FCHO1: variants seen among roughly 807,000 people sequenced by gnomAD.
FCHO1 encodes FCH and mu domain containing endocytic adaptor 1.
FCHO1 carries 45 observed loss-of-function variants against 114.4 expected under a neutral mutation model. The observed-to-expected ratio is 0.39, with a 90% CI of 0.31 to 0.50. The LOEUF is 0.50. Ranked by LOEUF, FCHO1 falls within the 20% of genes least tolerant of loss-of-function variation. The pLI, the probability that FCHO1 is intolerant of heterozygous loss-of-function variation, is 0.77. For missense variants in FCHO1, 1,042 were observed against 1,209.6 expected (o/e 0.86, Z 2.06); for synonymous variants, 480 against 488.9 (o/e 0.98, Z 0.24).
In FCHO1 at chr19:17,776,087, G is replaced by C; in HGVS notation, c.1108G>C (p.Ala370Pro). ...HIKPAPARAPACSPEAAAAQL... is the reference protein window; with the variant it reads ...HIKPAPARAPPCSPEAAAAQL... ...CAAGCCTGCCCCGGCCCGGGCTCCA[G>C]CCTGCAGCCCCGAGGCAGCAGCGGC... Residue 370 changes from alanine to proline, a missense_variant, in exon 16 of 29, where the codon GCC becomes CCC. This residue lies in a region of FCHO1 where 450 missense variants were observed against 564.1 expected (regional missense o/e 0.80). Coordinates refer to ENST00000596536, the MANE Select transcript of FCHO1 (RefSeq NM_015122.3). This position sits in a 1 kb window ranked among gnomAD's most constrained non-coding sequence, Gnocchi z 4.4. The C allele has an allele frequency of 6.2e-7, 1 of 1,612,238 alleles. No homozygotes were observed. Among genetic ancestry groups the C allele is most frequent in the Non-Finnish European group, 8.5e-7 (1 of 1,179,936 alleles).
In FCHO1 at chr19:17,787,808, G is replaced by A. The variant is rs1349873112; in HGVS notation, c.2609G>A (p.Gly870Asp). The change falls in exon 28 of 29, where the codon GGT (glycine) becomes GAT (aspartate). Residue 870 changes from glycine (G) to aspartate (D), a missense_variant. Gly to Asp is a moderately conservative substitution (Grantham distance 94). Around this residue, in one of 3 missense-constraint regions of FCHO1, gnomAD observed 137 missense variants for 190.0 expected, o/e 0.72. Transcript: ENST00000596536. ...SGVDLELVGS[G>D]YRMSLVKRRF... is the part of the protein sequence containing the mutation. ...GTGGACTTGGAACTGGTGGGCAGCG[G>A]TTACCGCATGTCGCTGGTGAAGAGG... The A allele has an allele frequency of 6.2e-7, 1 of 1,613,396 alleles. No homozygotes were observed. Among genetic ancestry groups the A allele is most frequent in the African/African-American group, 1.3e-5 (1 of 74,924 alleles).
At chr19:17,756,963 C>T (rs1365693463) in intron 4 of FCHO1, among the ~76,000 whole-genome samples, 5 of 151,982 alleles carry the variant, frequency 3.3e-5, no homozygotes, top group Non-Finnish European at 4.4e-5. Context: ...CCGAGGGAGG[C>T]GGATCACCTG....
In FCHO1 at chr19:17,783,007, T is replaced by A. The variant is rs1737984278; in HGVS notation, c.1938-10T>A. On this transcript the variant is annotated splice_polypyrimidine_tract_variant and intron_variant, in intron 23 of 28. Coordinates refer to ENST00000596536, the MANE Select transcript of FCHO1 (RefSeq NM_015122.3). Reference sequence around the variant, plus strand: ...CCTAAGCCAACACCCAGTCCCCTCATCCTCCCTAGCTGCCTGGCTCGAGTA... The same window carrying A: ...CCTAAGCCAACACCCAGTCCCCTCAACCTCCCTAGCTGCCTGGCTCGAGTA... 6 of 1,613,606 alleles carry A rather than the reference T, an allele frequency of 3.7e-6. No individual in the cohort carries two copies. Among genetic ancestry groups the A allele is most frequent in the Non-Finnish European group, 5.1e-6 (6 of 1,179,678 alleles).
Position 17,784,087 on chromosome 19 carries a change from G to T in FCHO1, c.2094-16G>T. On this transcript the variant is annotated splice_polypyrimidine_tract_variant and intron_variant, in intron 24 of 28. Transcript: ENST00000596536. This position sits in a 1 kb window ranked among gnomAD's most constrained non-coding sequence, Gnocchi z 5.3. ...CATGTCCCGAGGATTGGGGTGATCAGTCCGGGTCTCTGCAGTGACCCCTCC... is the reference window on the plus strand; with the variant it reads ...CATGTCCCGAGGATTGGGGTGATCATTCCGGGTCTCTGCAGTGACCCCTCC... The T allele has an allele frequency of 1.2e-6, 2 of 1,613,328 alleles. No homozygotes were observed. The highest frequency in any genetic ancestry group is 1.7e-6 in the Non-Finnish European group (2 of 1,179,500).
At chr19:17,748,870 C>T (rs1287803109), upstream of FCHO1, among the ~76,000 whole-genome samples, 1 of 152,186 alleles carries the variant, frequency 6.6e-6, no homozygotes, top group East Asian at 1.9e-4. Context: ...TGGTGATTCA[C>T]TCTTTTGCTT....
intron 4 of FCHO1, among the ~76,000 whole-genome samples, chr19:17,756,154 C>G (rs1568316289): frequency 6.6e-6 from 1 of 152,196 alleles, no homozygotes; most frequent in Non-Finnish European, 1.5e-5. Flanking sequence ...TTGCTCCCTC[C>G]CCAGCTGGGG....
intron 4 of FCHO1, among the ~76,000 whole-genome samples, chr19:17,759,516 C>T (rs954806571): frequency 1.3e-5 from 2 of 151,940 alleles, no homozygotes; most frequent in Admixed American, 1.3e-4. Flanking sequence ...AGACACCACA[C>T]CCATCTAGTC....
rs896971260 is a variant in FCHO1, at chr19:17,783,962, G to T, written c.2094-141G>T. On this transcript the variant is annotated intron_variant, in intron 24 of 28. Transcript: ENST00000596536. ...GTTTTCCATCCCTCCTTTACTGCCC[G>T]CACCACAACCACCCAGGTAGGGCTT... 4.0e-6 allele frequency: 4 copies of T among 1,004,488 alleles called. No homozygotes were observed. The African/African-American group carries it at 4.8e-5, about 12-fold the overall frequency. 62.2% of individuals were successfully genotyped at this position (1,004,488 alleles called of 1,614,324 possible).
At position 17,781,721 on chromosome 19, in the gene FCHO1, G is replaced by A. The variant is rs1178569668; in HGVS notation, c.1838G>A (p.Arg613Gln). 6 of 1,603,934 alleles carry A rather than the reference G, an allele frequency of 3.7e-6. No individual in the cohort carries two copies. Among genetic ancestry groups the A allele is most frequent in the Admixed American group, 1.7e-5 (1 of 58,130 alleles). The change falls in exon 23 of 29, where the codon CGG (arginine) becomes CAG (glutamine). Residue 613 changes from arginine (R) to glutamine (Q), a missense_variant. Physicochemically the swap from Arg to Gln is conservative, Grantham distance 43. Around this residue, in one of 3 missense-constraint regions of FCHO1, gnomAD observed 455 missense variants for 455.4 expected, o/e 1.00. Transcript: ENST00000596536. ...TCTCCACCACCCCCAGGAGTCTCCCGGGGTCCGAGCCCTGTGGTCCTGGGC... is the reference window on the plus strand; with the variant it reads ...TCTCCACCACCCCCAGGAGTCTCCCAGGGTCCGAGCCCTGTGGTCCTGGGC... ...FLSQTGHGVS[R>Q]GPSPVVLGSQ...
chr19:17,765,924 T>C (rs966609588), intron 6 of FCHO1, among the ~76,000 whole-genome samples: 1 of 140,756 alleles, frequency 7.1e-6, no homozygotes, highest in Non-Finnish European at 1.5e-5. Flanking sequence ...AGTCTCACTC[T>C]GTCGCCCAGG....
At chr19:17,756,786 G>A (rs2083709093) in intron 4 of FCHO1, among the ~76,000 whole-genome samples, 1 of 152,188 alleles carries the variant, frequency 6.6e-6, no homozygotes, top group Non-Finnish European at 1.5e-5. Flanking sequence ...AAGCCAAACA[G>A]GGATGCCCCA....
intron 9 of FCHO1, among the ~76,000 whole-genome samples, chr19:17,771,976 C>T (rs1402755151): frequency 6.6e-6 from 1 of 152,094 alleles, no homozygotes; most frequent in Non-Finnish European, 1.5e-5. Flanking sequence ...CCACACCCAG[C>T]TAATTTTTGT....
chr19:17,767,097 GTTT>G (rs1171154640), intron 7 of FCHO1, among the ~76,000 whole-genome samples: 1 of 70,602 alleles, frequency 1.4e-5, no homozygotes, highest in Non-Finnish European at 2.7e-5. Flanking sequence ...CTGCTTGTTT[GTTT>G]TTAAGAGACA....
upstream of FCHO1, among the ~76,000 whole-genome samples, chr19:17,748,224 C>G (rs1051282662): frequency 3.9e-5 from 6 of 152,162 alleles, no homozygotes; most frequent in African/African-American, 1.2e-4. Context: ...CTTCCCAGCT[C>G]CGGCCTGCAG....
At chr19:17,763,315 G>A (rs1230716345) in intron 5 of FCHO1, among the ~76,000 whole-genome samples, 2 of 143,292 alleles carry the variant, frequency 1.4e-5, no homozygotes, top group Admixed American at 1.5e-4. Context: ...CCAGGCTAGA[G>A]TGCAATGGTG....
chr19:17,781,074 T>C (rs746671059), intron 20 of FCHO1, among the ~76,000 whole-genome samples, 157 bp from the exon 21 acceptor site: 3 of 152,218 alleles, frequency 2.0e-5, no homozygotes, highest in Non-Finnish European at 4.4e-5. Flanking sequence ...TCTGCAGTCC[T>C]GTCTGGCACC....
chr19:17,757,128 G>A (rs1599553624), intron 4 of FCHO1, among the ~76,000 whole-genome samples: 2 of 150,204 alleles, frequency 1.3e-5, no homozygotes, highest in Admixed American at 6.7e-5. Flanking sequence ...GGTGGAAGTC[G>A]CAGTGAGATC....
chr19:17,755,841 G>C (rs1265638962), intron 4 of FCHO1, among the ~76,000 whole-genome samples: 1 of 152,154 alleles, frequency 6.6e-6, no homozygotes, highest in Non-Finnish European at 1.5e-5. Flanking sequence ...GCAGGACCAG[G>C]GCTGAACCCA....
chr19:17,776,536 A>T lies in FCHO1; in HGVS notation c.1208-99A>T, dbSNP rs1212751250. The T allele has an allele frequency of 7.2e-7, 1 of 1,385,116 alleles. No homozygotes were observed. 85.8% of individuals were successfully genotyped at this position (1,385,116 alleles called of 1,614,324 possible). On this transcript the variant is annotated intron_variant, in intron 17 of 28. Coordinates refer to ENST00000596536, the MANE Select transcript of FCHO1 (RefSeq NM_015122.3). The surrounding 1 kb of genome is among the most constrained non-coding windows in gnomAD (Gnocchi z 4.4). ...CCTGATTTGCTGATCACCTTGGGCA[A>T]CTGGCTGGACACCCCCGAGCCTCGG... is the stretch of plus-strand genomic sequence containing the variant.
Sources: gnomAD v4.1 joint callset for allele counts (sites outside exome capture counted in the v4.1 genomes callset) on GRCh38, gnomAD v4.1.1 for gene constraint, gnomAD v4.1.1 regional missense constraint, Gnocchi (gnomAD v3.1) non-coding constraint, MANE v1.5 for transcripts, NCBI Gene and HGNC (gene_info 2026-07-23, HGNC 2026-07-21) for gene names.